The following AP1G1 variants were observed in gnomAD, a reference collection of about 807,000 sequenced individuals.
AP1G1 encodes the protein adaptor related protein complex 1 subunit gamma 1.
In AP1G1, 7 loss-of-function variants were observed where a neutral mutation model predicts 108.3. The ratio of observed to expected loss-of-function variants is 0.06; its 90% CI spans 0.04 to 0.12. AP1G1 has a LOEUF of 0.12. Among genes scored for constraint, AP1G1 ranks in the 10% least tolerant of loss-of-function variants. The probability of loss-of-function intolerance (pLI) is 1.00; values close to 1 mark genes in which losing one functional copy is unlikely to be tolerated. For missense variants in AP1G1, 756 were observed against 1,010.7 expected (o/e 0.75, Z 3.42); for synonymous variants, 379 against 353.5 (o/e 1.07, Z -0.81).
At chr16:71,808,523 A>G in intron 1 of AP1G1, 1 of 1,277,928 alleles carries the variant, frequency 7.8e-7, no homozygotes, top group Non-Finnish European at 1.0e-6. Context: ...CAACGCCACA[A>G]CACGGAACGC....
At chr16:71,806,797 A>C in intron 1 of AP1G1, 1 of 1,017,262 alleles carries the variant, frequency 9.8e-7, no homozygotes, top group Non-Finnish European at 1.3e-6. Context: ...ATAGTAACTA[A>C]TATATTTTTG....
At chr16:71,770,670 T>C (rs1187604259) in intron 5 of AP1G1, among the ~76,000 whole-genome samples, 1 of 152,156 alleles carries the variant, frequency 6.6e-6, no homozygotes, top group East Asian at 1.9e-4. Context: ...CAGAGATGGG[T>C]TCTGACTTTG....
At position 71,746,667 on chromosome 16, in the gene AP1G1, A is replaced by G. The variant is rs1373164643; in HGVS notation, c.1651T>C (p.Tyr551His). 3.1e-6 allele frequency: 5 copies of G among 1,612,448 alleles called. No individual in the cohort carries two copies. The highest frequency in any genetic ancestry group is 4.2e-6 in the Non-Finnish European group (5 of 1,179,444). ...AGTTCCACATCAATGCTGCTTCCGT[A>G]GATGGAAACCACTTTCTTAATTCGG... ...VNRIKKVVSI[Y>H]GSSIDVELQQ... The change falls in exon 17 of 23, where the codon TAC becomes CAC. Residue 551 changes from tyrosine to histidine, a missense_variant. Tyr to His is a moderately conservative substitution (Grantham distance 83). Around this residue, in one of 3 missense-constraint regions of AP1G1, gnomAD observed 357 missense variants for 366.5 expected, o/e 0.97. Coordinates refer to ENST00000299980, the MANE Select transcript of AP1G1 (RefSeq NM_001128.6).
Position 71,768,714 on chromosome 16 carries a change from G to C in AP1G1, c.642+909C>G, listed in dbSNP as rs1187352563. On this transcript the variant is annotated intron_variant, in intron 6 of 22. Coordinates refer to ENST00000299980, the MANE Select transcript of AP1G1 (RefSeq NM_001128.6). Reference sequence around the variant, plus strand: ...GTGGATCACGAGGTCAGGAGATCAAGACCATCCTGGCTAACACAGTGAAAC... The same window carrying C: ...GTGGATCACGAGGTCAGGAGATCAACACCATCCTGGCTAACACAGTGAAAC... 4.1e-5 allele frequency among the ~76,000 whole-genome samples: 6 copies of C among 147,930 alleles called. No homozygotes were observed. The East Asian group carries it at 1.0e-3, about 26-fold the overall frequency.
chr16:71,808,401 G>A (rs970042819), intron 1 of AP1G1: 11 of 1,045,722 alleles, frequency 1.1e-5, no homozygotes, highest in East Asian at 6.3e-5. Context: ...GTGGCTCAGA[G>A]AAGACACGCG....
intron 12 of AP1G1, among the ~76,000 whole-genome samples, chr16:71,755,511 A>G (rs1297683975): frequency 6.6e-6 from 1 of 152,236 alleles, no homozygotes; most frequent in Non-Finnish European, 1.5e-5. Flanking sequence ...AGATTTCATA[A>G]AAGTGTGAAA....
chr16:71,735,044 G>C (rs1316422747), intron 21 of AP1G1, among the ~76,000 whole-genome samples: 4 of 152,166 alleles, frequency 2.6e-5, no homozygotes, highest in African/African-American at 7.2e-5. Context: ...GATCAACTAT[G>C]CAAGTAAAAT....
At chr16:71,760,811 T>C (rs1029516603) in intron 10 of AP1G1, among the ~76,000 whole-genome samples, 1 of 152,154 alleles carries the variant, frequency 6.6e-6, no homozygotes, top group African/African-American at 2.4e-5. Flanking sequence ...CCTCCCAAAG[T>C]GTTGGCATTA....
At chr16:71,743,931 G>C (rs1347708225) in intron 19 of AP1G1, among the ~76,000 whole-genome samples, 1 of 121,262 alleles carries the variant, frequency 8.2e-6, no homozygotes, top group Non-Finnish European at 1.6e-5. Context: ...GGGTGACAGA[G>C]TGAGACTCTG....
Position 71,756,164 on chromosome 16 carries a change from C to T in AP1G1, c.1089-5G>A. 1 of 1,601,292 alleles carries T rather than the reference C, an allele frequency of 6.2e-7. No homozygotes were observed. The highest frequency in any genetic ancestry group is 8.5e-7 in the Non-Finnish European group (1 of 1,175,816). ...AAACTCAATTCCATTGCACGCCTTG[C>T]AGAAGGGAAAAATTAAAAACAGTTA... is the stretch of plus-strand genomic sequence containing the variant. On this transcript the variant is annotated splice_polypyrimidine_tract_variant and splice_region_variant and intron_variant, in intron 11 of 22. Transcript: ENST00000299980.
At position 71,732,699 on chromosome 16, in the gene AP1G1, A is replaced by C. The variant is rs1038402484; in HGVS notation, c.*359T>G. On this transcript the variant is annotated 3_prime_UTR_variant, in exon 23 of 23. Transcript: ENST00000299980. ...AACTCTTTGCTGCAGAGACAAAGTG[A>C]GTGTTTTTTCGCCATGGATTGCAGT... 3 of 186,370 alleles carry C rather than the reference A, an allele frequency of 1.6e-5. 1 individual carries two copies. The highest frequency in any genetic ancestry group is 4.4e-3 in the Middle Eastern group (2 of 450). 11.5% of individuals were successfully genotyped at this position (186,370 alleles called of 1,614,324 possible). A position where few individuals can be genotyped will look rare whatever the true frequency, so the allele number is the denominator to read the frequency against.
chr16:71,795,774 G>T (rs540837745), intron 1 of AP1G1, among the ~76,000 whole-genome samples: 52 of 152,314 alleles, frequency 3.4e-4, no homozygotes, highest in Non-Finnish European at 5.4e-4. Context: ...AGCCTAGCTG[G>T]TTTTCTCACT....
intron 1 of AP1G1, chr16:71,806,683 T>C (rs1251562161): frequency 1.6e-6 from 2 of 1,286,222 alleles, no homozygotes; most frequent in African/African-American, 3.0e-5. Flanking sequence ...AGGGCATACT[T>C]ACTAAATGAG....
intron 17 of AP1G1, among the ~76,000 whole-genome samples, chr16:71,746,116 T>A (rs559246196): frequency 6.6e-6 from 1 of 152,180 alleles, no homozygotes; most frequent in African/African-American, 2.4e-5. Context: ...TTCAAATGAT[T>A]CTCCTGCTTC....
chr16:71,759,105 A>G (rs2145456533), intron 10 of AP1G1, among the ~76,000 whole-genome samples, 184 bp from the exon 11 acceptor site: 1 of 152,384 alleles, frequency 6.6e-6, no homozygotes, highest in South Asian at 2.1e-4. Context: ...AATCTAAAAT[A>G]GTGGCAACCA....
At chr16:71,770,730 A>G (rs2031537443) in intron 5 of AP1G1, among the ~76,000 whole-genome samples, 1 of 152,198 alleles carries the variant, frequency 6.6e-6, no homozygotes, top group Admixed American at 6.5e-5. Context: ...TTGGCCTCCC[A>G]AAGTGCTGGG....
chr16:71,752,140 A>G (rs946272871), intron 13 of AP1G1, among the ~76,000 whole-genome samples: 1 of 152,202 alleles, frequency 6.6e-6, no homozygotes, highest in Non-Finnish European at 1.5e-5. Context: ...AAATCACATG[A>G]TCATAAGAGA....
At chr16:71,790,069 G>A (rs2032340955) in intron 1 of AP1G1, among the ~76,000 whole-genome samples, 1 of 149,158 alleles carries the variant, frequency 6.7e-6, no homozygotes, top group African/African-American at 2.5e-5. Flanking sequence ...CAGAAAATAA[G>A]GCTATTAGTG....
At chr16:71,764,600 A>G (rs1430387390) in intron 8 of AP1G1, 46 bp downstream of exon 8, 2 of 1,435,644 alleles carry the variant, frequency 1.4e-6, no homozygotes, top group Non-Finnish European at 9.5e-7. Flanking sequence ...TTCTACTCCC[A>G]GCGAAACTAA....
Sources: gnomAD v4.1 joint callset for allele counts (sites outside exome capture counted in the v4.1 genomes callset) on GRCh38, gnomAD v4.1.1 for gene constraint, gnomAD v4.1.1 regional missense constraint, MANE v1.5 for transcripts, NCBI Gene and HGNC (gene_info 2026-07-23, HGNC 2026-07-21) for gene names.